The following KSR2 variants were observed in gnomAD, a reference collection of about 807,000 sequenced individuals.
KSR2 encodes the protein kinase suppressor of ras 2.
KSR2 carries 25 observed loss-of-function variants against 107.8 expected under a neutral mutation model. That is an observed-to-expected ratio of 0.23 (90% CI 0.17 to 0.32). KSR2 has a LOEUF of 0.32. Among genes scored for constraint, KSR2 ranks in the 10% least tolerant of loss-of-function variants. KSR2 has a pLI of 1.00. For synonymous variants in KSR2, 480 were observed against 507.0 expected (o/e 0.95, Z 0.71); for missense variants, 887 against 1,268.9 (o/e 0.70, Z 4.57).
intron 18 of KSR2, among the ~76,000 whole-genome samples, chr12:117,470,733 C>T (rs1871397708): frequency 6.6e-6 from 1 of 152,192 alleles, no homozygotes; most frequent in African/African-American, 2.4e-5. Flanking sequence ...AGAGAGGATT[C>T]TTCCTGCTGT....
intron 12 of KSR2, among the ~76,000 whole-genome samples, chr12:117,529,718 A>G (rs1205783362): frequency 1.3e-5 from 2 of 150,552 alleles, no homozygotes; most frequent in African/African-American, 4.9e-5. Context: ...TAAAAACAAT[A>G]TCAGACAGGT....
rs1308205943 is a variant in KSR2, at chr12:117,793,586, TATGCACACATACACCAAC to T, written c.473-32080_473-32063del. On this transcript the variant is annotated intron_variant, in intron 3 of 19. Coordinates refer to ENST00000339824, the MANE Select transcript of KSR2 (RefSeq NM_173598.6). Reference sequence around the variant, plus strand: ...CAACATGCACACACCTTTACACCAATATGCACACATACACCAACATGCACACTCACACCAACATGCACA... The same window carrying T: ...CAACATGCACACACCTTTACACCAATATGCACACTCACACCAACATGCACA... Among the ~76,000 whole-genome samples the T allele has an allele frequency of 3.1e-4, 35 of 112,716 alleles. 1 individual carries two copies. Among genetic ancestry groups the T allele is most frequent in the Admixed American group, 2.4e-3 (27 of 11,206 alleles). 73.9% of individuals were successfully genotyped at this position (112,716 alleles called of 152,430 possible).
At chr12:117,636,518 G>T (rs1294806422) in intron 5 of KSR2, among the ~76,000 whole-genome samples, 1 of 152,040 alleles carries the variant, frequency 6.6e-6, no homozygotes, top group Non-Finnish European at 1.5e-5. Flanking sequence ...CCTGAGTTAA[G>T]GTACACACCT....
At chr12:117,717,715 A>C (rs1008552318) in intron 4 of KSR2, among the ~76,000 whole-genome samples, 23 of 118,932 alleles carry the variant, frequency 1.9e-4, no homozygotes, top group African/African-American at 6.4e-4. Context: ...GTGTGTGTGC[A>C]TGCGCGCGCG....
intron 7 of KSR2, 98 bp from the exon 8 acceptor site, chr12:117,558,671 ATGAATGGATGGG>A (rs1186461827): frequency 2.3e-5 from 19 of 822,796 alleles, no homozygotes; most frequent in South Asian, 1.4e-4. Flanking sequence ...GGATGGGTGG[ATGAATGGATGGG>A]TGAATGGATG....
At chr12:117,788,246 A>C (rs1200106542) in intron 3 of KSR2, among the ~76,000 whole-genome samples, 1 of 152,256 alleles carries the variant, frequency 6.6e-6, no homozygotes, top group Non-Finnish European at 1.5e-5. Context: ...TCATAAGGTC[A>C]GCAACTCCCT....
rs772421710 is a variant in KSR2, at chr12:117,582,330, G to T, written c.1201C>A (p.Gln401Lys). 2 of 1,613,850 alleles carry T rather than the reference G, an allele frequency of 1.2e-6. No individual in the cohort carries two copies. The highest frequency in any genetic ancestry group is 2.2e-5 in the South Asian group (2 of 91,078). ...NTLSVPRWSP[Q>K]IPRRDLGNSI... ...TTGCCGAGATCTCTGCGAGGGATCT[G>T]CGGGGACCAGCGTGGCACTGACAGT... The change falls in exon 6 of 20, where the codon CAG becomes AAG. Residue 401 changes from glutamine to lysine, a missense_variant. Gln to Lys is a moderately conservative substitution (Grantham distance 53). This residue lies in a region of KSR2 where 399 missense variants were observed against 479.5 expected (regional missense o/e 0.83). Transcript: ENST00000339824.
chr12:117,943,513 A>C (rs1372399775), intron 1 of KSR2, among the ~76,000 whole-genome samples: 2 of 138,080 alleles, frequency 1.4e-5, no homozygotes, highest in African/African-American at 5.1e-5. Context: ...AAAAAAAAAA[A>C]AAAAAAAAAA....
chr12:117,578,189 T>A (rs905628014), intron 7 of KSR2, among the ~76,000 whole-genome samples: 31 of 152,132 alleles, frequency 2.0e-4, no homozygotes, highest in African/African-American at 7.5e-4. Flanking sequence ...GTCCTGACTG[T>A]CACTTCTTCA....
intron 10 of KSR2, among the ~76,000 whole-genome samples, chr12:117,535,804 A>G (rs1476950248): frequency 6.6e-6 from 1 of 152,166 alleles, no homozygotes; most frequent in Non-Finnish European, 1.5e-5. Flanking sequence ...AACTCTGCTC[A>G]TCAGTAGCAG....
chr12:117,935,484 G>A, intron 1 of KSR2, among the ~76,000 whole-genome samples: 1 of 152,196 alleles, frequency 6.6e-6, no homozygotes, highest in East Asian at 1.9e-4. Flanking sequence ...CATGGGCCGG[G>A]CATGGTGGTT....
At chr12:117,759,150 T>G (rs1286673194) in intron 4 of KSR2, among the ~76,000 whole-genome samples, 1 of 152,242 alleles carries the variant, frequency 6.6e-6, no homozygotes, top group Non-Finnish European at 1.5e-5. Context: ...AAATCACATG[T>G]TCCACGTCAA....
chr12:117,677,651 T>C (rs868196331), intron 4 of KSR2, among the ~76,000 whole-genome samples: 76 of 152,154 alleles, frequency 5.0e-4, no homozygotes, highest in African/African-American at 1.6e-3. Context: ...ACCTACCACT[T>C]TTAATGGGAT....
intron 7 of KSR2, among the ~76,000 whole-genome samples, chr12:117,569,653 G>A (rs17618513): frequency 0.019 from 2,948 of 152,228 alleles, 166 homozygotes; most frequent in South Asian, 0.16. Context: ...GCTAACCTAG[G>A]CCTGACCGAA....
intron 14 of KSR2, among the ~76,000 whole-genome samples, chr12:117,504,372 A>C (rs1056304841): frequency 1.3e-5 from 2 of 152,206 alleles, no homozygotes; most frequent in Admixed American, 6.5e-5. Flanking sequence ...GGGACAAAAT[A>C]TAAGTTTGTG....
At chr12:117,515,241 G>T (rs1307153534) in intron 14 of KSR2, among the ~76,000 whole-genome samples, 2 of 152,004 alleles carry the variant, frequency 1.3e-5, no homozygotes, top group Admixed American at 1.3e-4. Flanking sequence ...TCACATACTT[G>T]GCATCTCTTT....
chr12:117,891,763 G>A (rs1257750937), intron 1 of KSR2, among the ~76,000 whole-genome samples: 1 of 152,150 alleles, frequency 6.6e-6, no homozygotes, highest in Non-Finnish European at 1.5e-5. Context: ...GAGGAGAGAG[G>A]ATCACTTGAG....
intron 9 of KSR2, among the ~76,000 whole-genome samples, chr12:117,541,826 C>T (rs1876511961): frequency 1.3e-5 from 2 of 152,180 alleles, no homozygotes; most frequent in Admixed American, 6.5e-5. Context: ...GCCACTAGAT[C>T]CACACTGCTT....
chr12:117,923,745 A>G (rs1895416382), intron 1 of KSR2, among the ~76,000 whole-genome samples: 1 of 152,116 alleles, frequency 6.6e-6, no homozygotes, highest in Non-Finnish European at 1.5e-5. Context: ...ATGAGAATTG[A>G]CTGTAATCCA....
Sources: allele counts gnomAD v4.1 joint callset (sites outside exome capture counted in the v4.1 genomes callset), GRCh38; gene constraint gnomAD v4.1.1; regional missense constraint gnomAD v4.1.1; transcripts MANE v1.5; gene names NCBI Gene and HGNC (gene_info 2026-07-23, HGNC 2026-07-21).